The following LPAR6 variants were observed in gnomAD, a reference collection of about 807,000 sequenced individuals.
LPAR6 encodes the protein lysophosphatidic acid receptor 6.
In LPAR6, 17 loss-of-function variants were observed where a neutral mutation model predicts 22.0. That is an observed-to-expected ratio of 0.77 (90% confidence interval 0.53 to 1.16). LPAR6 has a LOEUF of 1.16. Ranked by LOEUF, LPAR6 falls within the 50% of genes most tolerant of loss-of-function variation. The pLI is 0.00. For missense variants in LPAR6, 384 were observed against 406.9 expected, an observed-to-expected ratio of 0.94 and a Z score of 0.48; for synonymous variants, 136 against 139.8, an observed-to-expected ratio of 0.97 and a Z score of 0.19.
chr13:48,394,453 A>G (rs1396666791), intron 1 of LPAR6, among the ~76,000 whole-genome samples: 1 of 152,154 alleles, frequency 6.6e-6, no homozygotes, highest in African/African-American at 2.4e-5. Context: ...CAAGTGGTCT[A>G]CCTCAGCGGA....
chr13:48,412,105 A>G lies in LPAR6; in HGVS notation c.319T>C (p.Leu107=). The change falls in exon 1 of 1, where the codon TTA becomes CTA. Residue 107 remains leucine, a synonymous_variant. Transcript: ENST00000620633. ...AATCGATCTACACTAATACAGGTTA[A>G]GAACAGAATGCTTCCGTACATGTTG... The part of the protein sequence containing the change: ...YTNMYGSILF[L]TCISVDRFLA... 2 of 1,613,496 alleles carry G rather than the reference A, an allele frequency of 1.2e-6. No homozygotes were observed. The highest frequency in any genetic ancestry group is 4.5e-5 in the East Asian group (2 of 44,772).
At chr13:48,399,853 C>T (rs1425529593) in intron 1 of LPAR6, among the ~76,000 whole-genome samples, 1 of 151,898 alleles carries the variant, frequency 6.6e-6, no homozygotes, top group Non-Finnish European at 1.5e-5. Flanking sequence ...TATCTATACC[C>T]TTCTTTAATT....
chr13:48,404,615 C>T (rs1948723591), intron 1 of LPAR6, among the ~76,000 whole-genome samples: 1 of 151,922 alleles, frequency 6.6e-6, no homozygotes, highest in East Asian at 1.9e-4. Context: ...CAACCGCTGC[C>T]TCCTAGGTTC....
At chr13:48,396,961 G>C (rs554243350) in intron 1 of LPAR6, among the ~76,000 whole-genome samples, 3 of 152,332 alleles carry the variant, frequency 2.0e-5, no homozygotes, top group Admixed American at 6.5e-5. Flanking sequence ...TCTCATGCCA[G>C]TTAGAATGGT....
chr13:48,410,686 C>T (rs1948786375), downstream of LPAR6, among the ~76,000 whole-genome samples: 1 of 152,052 alleles, frequency 6.6e-6, no homozygotes, highest in Non-Finnish European at 1.5e-5. Flanking sequence ...ATTTTTGTGG[C>T]ATATATCATT....
At chr13:48,408,699 A>C (rs1431556538), downstream of LPAR6, 1 of 152,114 alleles carries the variant, frequency 6.6e-6, no homozygotes, top group African/African-American at 2.4e-5. Context: ...AGATGAGAAA[A>C]CCATGTTTGT....
chr13:48,394,015 G>C (rs562618276), intron 1 of LPAR6, among the ~76,000 whole-genome samples: 1 of 152,320 alleles, frequency 6.6e-6, no homozygotes, highest in Admixed American at 6.5e-5. Context: ...GATCAACCCA[G>C]AAGGCAGGTG....
chr13:48,442,426 T>TGAG (rs1191528814), intron 1 of LPAR6, among the ~76,000 whole-genome samples: 4 of 152,212 alleles, frequency 2.6e-5, no homozygotes, highest in Non-Finnish European at 5.9e-5. Context: ...GGATATAGTA[T>TGAG]GAGTTTTTAT....
upstream of LPAR6, among the ~76,000 whole-genome samples, chr13:48,431,382 A>G (rs1949127931): frequency 6.6e-6 from 1 of 152,248 alleles, no homozygotes; most frequent in Non-Finnish European, 1.5e-5. Context: ...AAGTATGCTT[A>G]AAACCAAAAA....
chr13:48,438,439 G>T (rs1367028828), intron 1 of LPAR6, among the ~76,000 whole-genome samples: 3 of 152,070 alleles, frequency 2.0e-5, no homozygotes, highest in Non-Finnish European at 2.9e-5. Context: ...CTTCCAAGAA[G>T]TTTTCTCTAA....
At chr13:48,414,992 TA>T (rs1159785854), upstream of LPAR6, among the ~76,000 whole-genome samples, 8 of 143,704 alleles carry the variant, frequency 5.6e-5, no homozygotes, top group South Asian at 9.1e-4. Context: ...GTCTTACTGT[TA>T]TTTTTTTTTT....
chr13:48,431,142 CA>C (rs56268564), upstream of LPAR6, among the ~76,000 whole-genome samples: 126,697 of 152,058 alleles, frequency 0.83, 56,347 homozygotes, highest in East Asian at 1. Context: ...AACAAACTAA[CA>C]AAAAATAACA....
chr13:48,444,588 T>C (rs1435507438), exon 1 of LPAR6: 2 of 152,300 alleles, frequency 1.3e-5, no homozygotes, highest in African/African-American at 4.8e-5. Flanking sequence ...AGGATACAGA[T>C]GAGGAGATGC....
intron 1 of LPAR6, among the ~76,000 whole-genome samples, chr13:48,424,511 C>T (rs1422273065): frequency 6.6e-6 from 1 of 152,052 alleles, no homozygotes; most frequent in African/African-American, 2.4e-5. Flanking sequence ...GAAAGGAAAT[C>T]AAGAGGAGTG....
upstream of LPAR6, among the ~76,000 whole-genome samples, chr13:48,413,799 A>G (rs1446746302): frequency 6.6e-6 from 1 of 152,156 alleles, no homozygotes; most frequent in Non-Finnish European, 1.5e-5. Flanking sequence ...TGTTAATTTT[A>G]CTTTCTAAGC....
chr13:48,413,490 A>G (rs1948854434), upstream of LPAR6, among the ~76,000 whole-genome samples: 1 of 152,228 alleles, frequency 6.6e-6, no homozygotes, highest in Non-Finnish European at 1.5e-5. Context: ...ATAAATTGAA[A>G]TTGTTAGTGA....
rs1948802739 is a variant in LPAR6 at position 48,411,572 on chromosome 13, A to G, written c.852T>C (p.Cys284=). 3 of 1,613,694 alleles carry G rather than the reference A, an allele frequency of 1.9e-6. No individual in the cohort carries two copies. The highest frequency in any genetic ancestry group is 1.7e-6 in the Non-Finnish European group (2 of 1,179,762). The change falls in exon 1 of 1, where the codon TGT becomes TGC. Residue 284 remains cysteine (C), a synonymous_variant. Transcript: ENST00000620633. The part of the protein sequence containing the change: ...PITLCIAVSN[C]CFDPIVYYFT... ...AGTAGTAAACTATAGGGTCAAAACA[A>G]CAGTTGGAAACAGCAATACAGAGAG...
chr13:48,441,411 C>A (rs1459428325), intron 1 of LPAR6, among the ~76,000 whole-genome samples: 1 of 152,134 alleles, frequency 6.6e-6, no homozygotes, highest in Non-Finnish European at 1.5e-5. Flanking sequence ...CAACGGGTTT[C>A]CAAACATATA....
At chr13:48,436,149 A>G (rs182911127) in intron 1 of LPAR6, among the ~76,000 whole-genome samples, 162 of 152,348 alleles carry the variant, frequency 1.1e-3, no homozygotes, top group African/African-American at 3.8e-3. Flanking sequence ...ACAATTAACC[A>G]AAGTAGGTAT....
Sources: gnomAD v4.1 joint callset for allele counts (sites outside exome capture counted in the v4.1 genomes callset) on GRCh38, gnomAD v4.1.1 for gene constraint, MANE v1.5 for transcripts, NCBI Gene and HGNC (gene_info 2026-07-23, HGNC 2026-07-21) for gene names.